The following RGS6 variants were observed in gnomAD, a reference collection of about 807,000 sequenced individuals.
The protein encoded by RGS6 is regulator of G-protein signaling 6.
RGS6 carries 30 observed loss-of-function variants against 78.5 expected under a neutral mutation model. The ratio of observed to expected loss-of-function variants is 0.38; its 90% CI spans 0.29 to 0.52. The LOEUF (loss-of-function observed/expected upper bound fraction) is 0.52. RGS6 is among the 20% of genes least tolerant of loss of function. The pLI, the probability that RGS6 is intolerant of heterozygous loss-of-function variation, is 0.85. For missense variants in RGS6, 495 were observed against 609.7 expected (o/e 0.81, Z 1.98); for synonymous variants, 206 against 206.0 (o/e 1.00, Z 0.00).
At chr14:72,215,316 G>A (rs1263398731) in intron 2 of RGS6, among the ~76,000 whole-genome samples, 1 of 152,208 alleles carries the variant, frequency 6.6e-6, no homozygotes, top group Non-Finnish European at 1.5e-5. Context: ...AGTGCTTGGA[G>A]GCTGCTGCTT....
In RGS6 at chr14:72,136,703, A is replaced by G. The variant is rs191404572; in HGVS notation, c.84+171828A>G. Among the ~76,000 whole-genome samples the G allele has an allele frequency of 2.0e-3, 309 of 152,370 alleles. 2 individuals are homozygous for G. Among genetic ancestry groups the G allele is most frequent in the Middle Eastern group, 0.01 (3 of 294 alleles). On this transcript the variant is annotated intron_variant, in intron 2 of 17. Transcript: ENST00000553525. ...TTCAAGATGAGATTTGGGTAGGGAC[A>G]CAGCCAAACCATATCAAAACTTAAT...
chr14:71,870,838 G>A, the RGS6 span, among the ~76,000 whole-genome samples: 2 of 152,290 alleles, frequency 1.3e-5, no homozygotes, highest in Admixed American at 6.5e-5. Flanking sequence ...TCACCCAGCT[G>A]AGGACTCACT....
chr14:72,451,895 G>T (rs1028597277), intron 3 of RGS6, among the ~76,000 whole-genome samples: 1 of 152,090 alleles, frequency 6.6e-6, no homozygotes, highest in Non-Finnish European at 1.5e-5. Flanking sequence ...TGGGACTCAG[G>T]CATGTGGCAC....
chr14:72,175,500 C>T lies in RGS6; in HGVS notation c.85-176595C>T, dbSNP rs993623962. The stretch of plus-strand genomic sequence containing the variant: ...AATTGAGTGCATGTTATGTTCTAGG[C>T]GTGGGGCTGGGCTGACCCTCTGGGA... On this transcript the variant is annotated intron_variant, in intron 2 of 17. Coordinates refer to ENST00000553525, the MANE Select transcript of RGS6 (RefSeq NM_001204424.2). 3.9e-5 allele frequency among the ~76,000 whole-genome samples: 6 copies of T among 152,252 alleles called. No individual in the cohort carries two copies. The East Asian group carries it at 7.7e-4, about 20-fold the overall frequency.
chr14:72,379,356 A>C (rs2085486608), intron 3 of RGS6, among the ~76,000 whole-genome samples: 1 of 152,106 alleles, frequency 6.6e-6, no homozygotes, highest in Non-Finnish European at 1.5e-5. Context: ...AAAATAAATA[A>C]AGGGCATCCA....
At chr14:71,985,254 G>C (rs1342505649) in intron 2 of RGS6, among the ~76,000 whole-genome samples, 2 of 152,166 alleles carry the variant, frequency 1.3e-5, no homozygotes, top group Admixed American at 6.5e-5. Context: ...CTCCCGAGTA[G>C]CTGGGACTAC....
At chr14:71,931,582 T>C (rs576116663), upstream of RGS6, among the ~76,000 whole-genome samples, 2 of 152,328 alleles carry the variant, frequency 1.3e-5, no homozygotes, top group South Asian at 4.1e-4. Context: ...TCCCCTTTTC[T>C]GGTGACATAC....
intron 17 of RGS6, 83 bp from the exon 18 acceptor site, chr14:72,562,334 A>G: frequency 2.1e-6 from 3 of 1,416,766 alleles, no homozygotes; most frequent in Non-Finnish European, 3.0e-6. Context: ...CTCATGCAAC[A>G]ATTAATTCAC....
rs1177677968 is a variant in RGS6 at position 72,479,655 on chromosome 14, CT to C, written c.854+1327del. 9.2e-5 allele frequency among the ~76,000 whole-genome samples: 14 copies of C among 152,238 alleles called. 1 individual carries two copies. Among genetic ancestry groups the C allele is most frequent in the South Asian group, 4.1e-4 (2 of 4,834 alleles). Reference sequence around the variant, plus strand: ...GATCACTCTGGAGTCGCTGTTTCAGCTAGCTGTGTAGGCTGCAGAATCACCT... The same window carrying C: ...GATCACTCTGGAGTCGCTGTTTCAGCAGCTGTGTAGGCTGCAGAATCACCT... On this transcript the variant is annotated intron_variant, in intron 12 of 17. Transcript: ENST00000553525.
intron 2 of RGS6, among the ~76,000 whole-genome samples, chr14:72,202,758 T>TA (rs990156386): frequency 6.6e-6 from 1 of 151,896 alleles, no homozygotes; most frequent in African/African-American, 2.4e-5. Flanking sequence ...AGGCACGTGT[T>TA]AAAAAGGGCA....
intron 10 of RGS6, among the ~76,000 whole-genome samples, chr14:72,475,354 C>T (rs1345020559): frequency 6.6e-6 from 1 of 151,872 alleles, no homozygotes; most frequent in African/African-American, 2.4e-5. Flanking sequence ...GCTCAGACTC[C>T]CCCACGATTC....
intron 2 of RGS6, among the ~76,000 whole-genome samples, chr14:72,032,062 C>A (rs1477374905): frequency 6.6e-6 from 1 of 152,116 alleles, no homozygotes; most frequent in Non-Finnish European, 1.5e-5. Context: ...TGCTGTATGT[C>A]TACTTTGTAG....
intron 3 of RGS6, among the ~76,000 whole-genome samples, chr14:72,356,985 A>C (rs2080434716): frequency 6.6e-6 from 1 of 152,186 alleles, no homozygotes; most frequent in Non-Finnish European, 1.5e-5. Context: ...GAAAATGTGG[A>C]AGCAGCCAGG....
At chr14:72,074,637 G>T (rs747247347) in intron 2 of RGS6, among the ~76,000 whole-genome samples, 1 of 152,126 alleles carries the variant, frequency 6.6e-6, no homozygotes, top group Middle Eastern at 3.2e-3. Context: ...TACCAGTGTA[G>T]AGCCTGTTTT....
chr14:72,582,912 T>C, the RGS6 span, among the ~76,000 whole-genome samples: 8 of 149,162 alleles, frequency 5.4e-5, no homozygotes, highest in Non-Finnish European at 1.2e-4. Context: ...GGGTGGTTCC[T>C]AAAGAGATTG....
chr14:72,446,020 A>T (rs1023427777), intron 3 of RGS6, among the ~76,000 whole-genome samples: 2 of 152,156 alleles, frequency 1.3e-5, no homozygotes, highest in East Asian at 3.8e-4. Flanking sequence ...GCACTTTGGG[A>T]GGCCAAGGCA....
intron 2 of RGS6, among the ~76,000 whole-genome samples, chr14:72,346,178 G>A (rs999761637): frequency 1.3e-5 from 2 of 151,786 alleles, no homozygotes; most frequent in African/African-American, 4.8e-5. Context: ...TTGAAGTTGT[G>A]GTAGATTTTT....
chr14:72,334,911 C>T (rs1276186810), intron 2 of RGS6, among the ~76,000 whole-genome samples: 1 of 152,132 alleles, frequency 6.6e-6, no homozygotes, highest in Admixed American at 6.5e-5. Flanking sequence ...CTGTCTGCAG[C>T]CTCTGATATG....
intron 2 of RGS6, among the ~76,000 whole-genome samples, chr14:72,214,177 A>ATTTTTTTT (rs35022655): frequency 1.5e-5 from 2 of 131,250 alleles, no homozygotes; most frequent in African/African-American, 5.6e-5. Context: ...TTATTTTCTT[A>ATTTTTTTT]TTTTTTTTTT....
Sources: allele counts gnomAD v4.1 joint callset (sites outside exome capture counted in the v4.1 genomes callset), GRCh38; gene constraint gnomAD v4.1.1; transcripts MANE v1.5; gene names NCBI Gene and HGNC (gene_info 2026-07-23, HGNC 2026-07-21).